LUC7L3: variants seen among roughly 807,000 people sequenced by gnomAD.
LUC7L3 encodes the protein LUC7 like 3 pre-mRNA splicing factor.
Under a neutral mutation model 66.8 loss-of-function variants are expected in LUC7L3, and 6 were observed. The observed-to-expected ratio is 0.09, with a 90% CI of 0.05 to 0.18. The LOEUF (loss-of-function observed/expected upper bound fraction) is 0.18. Among genes scored for constraint, LUC7L3 ranks in the 10% least tolerant of loss-of-function variants. The pLI is 1.00. For synonymous variants in LUC7L3, 160 were observed against 174.7 expected (o/e 0.92, Z 0.66); for missense variants, 341 against 531.1 (o/e 0.64, Z 3.52).
chr17:50,726,685 A>T (rs552220368), intron 1 of LUC7L3, among the ~76,000 whole-genome samples: 11 of 152,338 alleles, frequency 7.2e-5, no homozygotes, highest in African/African-American at 1.7e-4. Context: ...TAGGGTATTG[A>T]TAAATACAGC....
At chr17:50,747,404 GTTC>G (rs1377291020) in intron 9 of LUC7L3, among the ~76,000 whole-genome samples, 2 of 151,140 alleles carry the variant, frequency 1.3e-5, no homozygotes, top group African/African-American at 4.9e-5. Flanking sequence ...TGAGTTTCAT[GTTC>G]TTCTATTTTG....
At chr17:50,732,628 T>C (rs529617173) in intron 1 of LUC7L3, among the ~76,000 whole-genome samples, 1 of 151,890 alleles carries the variant, frequency 6.6e-6, no homozygotes, top group African/African-American at 2.4e-5. Flanking sequence ...ATGATCCTCC[T>C]GCTTTGGCCT....
At chr17:50,732,542 T>C (rs540762833) in intron 1 of LUC7L3, among the ~76,000 whole-genome samples, 4 of 147,692 alleles carry the variant, frequency 2.7e-5, no homozygotes, top group South Asian at 2.1e-4. Flanking sequence ...ACACCATACC[T>C]GGCTAATTTT....
At chr17:50,732,548 AT>A (rs71356542) in intron 1 of LUC7L3, among the ~76,000 whole-genome samples, 6 of 139,034 alleles carry the variant, frequency 4.3e-5, no homozygotes, top group Admixed American at 2.9e-4. Context: ...TACCTGGCTA[AT>A]TTTTTTCATT....
At chr17:50,737,862 T>C (rs908503929) in intron 2 of LUC7L3, among the ~76,000 whole-genome samples, 2 of 152,068 alleles carry the variant, frequency 1.3e-5, no homozygotes, top group African/African-American at 4.8e-5. Flanking sequence ...TAGAAAAAAA[T>C]AATTGACTAT....
At chr17:50,731,436 G>C (rs374188645) in intron 1 of LUC7L3, among the ~76,000 whole-genome samples, 1 of 152,134 alleles carries the variant, frequency 6.6e-6, no homozygotes, top group Non-Finnish European at 1.5e-5. Flanking sequence ...CCAAAGTGCT[G>C]GGATTACAGG....
At position 50,751,504 on chromosome 17, in the gene LUC7L3, TATAAA is replaced by T; in HGVS notation, c.*845_*849del. The T allele has an allele frequency of 3.4e-6, 4 of 1,183,006 alleles. No homozygotes were observed. Among genetic ancestry groups the T allele is most frequent in the Non-Finnish European group, 4.3e-6 (4 of 937,384 alleles). The allele number at this position is 1,183,006 out of a possible 1,614,324, so 73.3% of individuals were successfully genotyped here. A position where few individuals can be genotyped will look rare whatever the true frequency, so the allele number is the denominator to read the frequency against. Reference sequence around the variant, plus strand: ...GTTTTTTGTGTATTGCGTGAAAACTTATAAAACAAATGTTAACAGAATGGAATTTT... The same window carrying T: ...GTTTTTTGTGTATTGCGTGAAAACTTACAAATGTTAACAGAATGGAATTTT... On this transcript the variant is annotated 3_prime_UTR_variant, in exon 10 of 10. Coordinates refer to ENST00000505658, the MANE Select transcript of LUC7L3 (RefSeq NM_016424.5).
chr17:50,754,645 CG>C lies in LUC7L3; in HGVS notation c.*3985del, dbSNP rs1971078528. On this transcript the variant is annotated 3_prime_UTR_variant, in exon 10 of 10. Transcript: ENST00000505658. ...CATATCATGCTCCTTTTTGTTAAAA[CG>C]TTTTTTTTTCCCCTTCAAACACAGT... is the stretch of plus-strand genomic sequence containing the variant. 2 of 152,052 alleles carry C rather than the reference CG, an allele frequency of 1.3e-5. No individual in the cohort carries two copies. The highest frequency in any genetic ancestry group is 4.8e-5 in the African/African-American group (2 of 41,408). 9.4% of individuals were successfully genotyped at this position (152,052 alleles called of 1,614,324 possible). A position where few individuals can be genotyped will look rare whatever the true frequency, so the allele number is the denominator to read the frequency against.
At chr17:50,730,114 T>G (rs2146710494) in intron 1 of LUC7L3, among the ~76,000 whole-genome samples, 1 of 151,250 alleles carries the variant, frequency 6.6e-6, no homozygotes, top group African/African-American at 2.4e-5. Flanking sequence ...TAGCTGGGAC[T>G]ATAGGCCCGC....
At chr17:50,746,462 G>A in intron 8 of LUC7L3, 80 bp from the exon 9 acceptor site, 1 of 1,288,568 alleles carries the variant, frequency 7.8e-7, no homozygotes, top group Non-Finnish European at 1.1e-6. Context: ...GCCTAGTCTT[G>A]TTAATTAATA....
chr17:50,741,868 T>G, intron 5 of LUC7L3, 137 bp downstream of exon 5: 1 of 618,720 alleles, frequency 1.6e-6, no homozygotes, highest in Non-Finnish European at 2.8e-6. Context: ...GAGGATTGCT[T>G]GAGCCGGAGA....
chr17:50,722,844 A>G (rs887436654), intron 1 of LUC7L3: 7 of 152,260 alleles, frequency 4.6e-5, no homozygotes, highest in Admixed American at 1.3e-4. Context: ...GAGAAACTGC[A>G]GCTAAAGTGA....
chr17:50,738,369 G>C (rs978373233), intron 2 of LUC7L3, among the ~76,000 whole-genome samples: 1 of 152,170 alleles, frequency 6.6e-6, no homozygotes, highest in East Asian at 1.9e-4. Flanking sequence ...CCAGCCAGAC[G>C]TTCGAAGAAA....
In LUC7L3 at chr17:50,756,213, G is replaced by GA. The variant is rs71149308; in HGVS notation, c.*5558dup. On this transcript the variant is annotated 3_prime_UTR_variant, in exon 10 of 10. Transcript: ENST00000505658. ...TAATAAAATTTAAAAAGAAGAATGG[G>GA]AAAAAAGTCTTGGTGTAGGTAGTTA... The GA allele has an allele frequency of 0.18, 26,969 of 152,046 alleles. 2,586 individuals are homozygous for GA. The highest frequency in any genetic ancestry group is 0.26 in the Middle Eastern group (77 of 294). 9.4% of individuals were successfully genotyped at this position (152,046 alleles called of 1,614,324 possible). A position where few individuals can be genotyped will look rare whatever the true frequency, so the allele number is the denominator to read the frequency against.
chr17:50,719,866 C>T (rs777397233), intron 1 of LUC7L3, 35 bp downstream of exon 1: 5 of 1,575,090 alleles, frequency 3.2e-6, no homozygotes, highest in Admixed American at 3.6e-5. Flanking sequence ...AGCCCGGGCT[C>T]CGTGGGGGAG....
rs1390418805 is a variant in LUC7L3 at position 50,756,144 on chromosome 17, T to C, written c.*5483T>C. ...TTCTGAAGCCTGTGGGCATTTCCTTTTTTAATCTGTATGTTTATGTGCTTT... is the reference window on the plus strand; with the variant it reads ...TTCTGAAGCCTGTGGGCATTTCCTTCTTTAATCTGTATGTTTATGTGCTTT... On this transcript the variant is annotated 3_prime_UTR_variant, in exon 10 of 10. Coordinates refer to ENST00000505658, the MANE Select transcript of LUC7L3 (RefSeq NM_016424.5). The C allele has an allele frequency of 6.6e-6, 1 of 152,230 alleles. No individual in the cohort carries two copies. Among genetic ancestry groups the C allele is most frequent in the East Asian group, 1.9e-4 (1 of 5,204 alleles). 9.4% of individuals were successfully genotyped at this position (152,230 alleles called of 1,614,324 possible). A position where few individuals can be genotyped will look rare whatever the true frequency, so the allele number is the denominator to read the frequency against.
At position 50,741,430 on chromosome 17, in the gene LUC7L3, A is replaced by G. The variant is rs1169500628; in HGVS notation, c.351+184A>G. 7 of 724,128 alleles carry G rather than the reference A, an allele frequency of 9.7e-6. No individual in the cohort carries two copies. The East Asian group carries it at 1.7e-4, about 18-fold the overall frequency. The allele number at this position is 724,128 out of a possible 1,614,324, so 44.9% of individuals were successfully genotyped here. ...AAACATAACACTGATTTTGCTAACCATAAGATTTTTCTTTGTTTTTATTTT... is the reference window on the plus strand; with the variant it reads ...AAACATAACACTGATTTTGCTAACCGTAAGATTTTTCTTTGTTTTTATTTT... On this transcript the variant is annotated intron_variant, in intron 4 of 9. Coordinates refer to ENST00000505658, the MANE Select transcript of LUC7L3 (RefSeq NM_016424.5).
At chr17:50,724,647 CATTAT>C (rs1969042682) in intron 1 of LUC7L3, among the ~76,000 whole-genome samples, 2 of 114,312 alleles carry the variant, frequency 1.7e-5, no homozygotes, top group Admixed American at 9.7e-5. Flanking sequence ...GTGTGTGTGT[CATTAT>C]ATATGTTATT....
chr17:50,744,171 A>G (rs931347247), intron 6 of LUC7L3, among the ~76,000 whole-genome samples: 3 of 152,244 alleles, frequency 2.0e-5, no homozygotes, highest in Non-Finnish European at 4.4e-5. Context: ...ATACACCCTT[A>G]AATATCTAAT....
Sources: gnomAD v4.1 joint callset for allele counts (sites outside exome capture counted in the v4.1 genomes callset) on GRCh38, gnomAD v4.1.1 for gene constraint, MANE v1.5 for transcripts, NCBI Gene and HGNC (gene_info 2026-07-23, HGNC 2026-07-21) for gene names.